The following EPS15 variants were observed in gnomAD, a reference collection of about 807,000 sequenced individuals.
The protein encoded by EPS15 is epidermal growth factor receptor pathway substrate 15.
In EPS15, 72 loss-of-function variants were observed where a neutral mutation model predicts 113.8. That is an observed-to-expected ratio of 0.63 (90% CI 0.52 to 0.77). The LOEUF (loss-of-function observed/expected upper bound fraction) is 0.77. Ranked by LOEUF, EPS15 falls within the 30% of genes least tolerant of loss-of-function variation. EPS15 has a pLI of 0.00. For synonymous variants in EPS15, 344 were observed against 363.4 expected, an observed-to-expected ratio of 0.95 and a Z score of 0.61; for missense variants, 1,048 against 1,045.8, an observed-to-expected ratio of 1.00 and a Z score of -0.03.
chr1:51,411,778 C>T (rs1465986076), intron 13 of EPS15, among the ~76,000 whole-genome samples: 1 of 152,138 alleles, frequency 6.6e-6, no homozygotes, highest in African/African-American at 2.4e-5. Context: ...ATTAGTTCAA[C>T]CATTGTGGAA....
At chr1:51,466,697 A>G (rs1188958848) in intron 5 of EPS15, among the ~76,000 whole-genome samples, 1 of 152,008 alleles carries the variant, frequency 6.6e-6, no homozygotes, top group African/African-American at 2.4e-5. Context: ...TAAATGTAAA[A>G]AATTAAAAAA....
Position 51,356,768 on chromosome 1 carries a change from T to A in EPS15, c.2623A>T (p.Asn875Tyr). 1 of 1,614,018 alleles carries A rather than the reference T, an allele frequency of 6.2e-7. No individual in the cohort carries two copies. Among genetic ancestry groups the A allele is most frequent in the East Asian group, 2.2e-5 (1 of 44,872 alleles). Residue 875 changes from asparagine to tyrosine, a missense_variant, in exon 25 of 25, where the codon AAT (asparagine) becomes TAT (tyrosine). Physicochemically the swap from Asn to Tyr is moderately radical, Grantham distance 143 (BLOSUM62 -2). Coordinates refer to ENST00000371733, the MANE Select transcript of EPS15 (RefSeq NM_001981.3). ...REEEQRLARL[N>Y]QQEQEDLELA... is the part of the protein sequence containing the mutation. ...TCTAAGTCTTCTTGTTCCTGCTGAT[T>A]TAGTCGGGCAAGCCTCTGCTCTTCC...
intron 22 of EPS15, among the ~76,000 whole-genome samples, chr1:51,364,580 G>C (rs1304242666): frequency 1.3e-5 from 2 of 151,628 alleles, no homozygotes; most frequent in African/African-American, 4.9e-5. Context: ...CTGCAGCCTT[G>C]AACCCCTGGG....
At chr1:51,471,435 AT>A (rs1170468564) in intron 4 of EPS15, among the ~76,000 whole-genome samples, 1 of 152,220 alleles carries the variant, frequency 6.6e-6, no homozygotes, top group Non-Finnish European at 1.5e-5. Flanking sequence ...AACTAGGAAA[AT>A]TAATTAAAGA....
intron 13 of EPS15, among the ~76,000 whole-genome samples, chr1:51,419,324 C>A (rs1377637935): frequency 6.6e-6 from 1 of 151,774 alleles, no homozygotes; most frequent in Admixed American, 6.6e-5. Flanking sequence ...GAAATACAGA[C>A]AGGAAACAAA....
chr1:51,474,519 GA>G (rs1338675348), intron 2 of EPS15, among the ~76,000 whole-genome samples: 1 of 152,124 alleles, frequency 6.6e-6, no homozygotes, highest in African/African-American at 2.4e-5. Context: ...ACACAGGACT[GA>G]ATGAACTGTT....
intron 21 of EPS15, among the ~76,000 whole-genome samples, chr1:51,390,039 A>C (rs1227587247): frequency 6.6e-6 from 1 of 152,146 alleles, no homozygotes; most frequent in Non-Finnish European, 1.5e-5. Context: ...CAAAGCTGGC[A>C]GCATCAAATA....
chr1:51,512,014 C>A (rs2148566932), intron 1 of EPS15, among the ~76,000 whole-genome samples: 1 of 152,224 alleles, frequency 6.6e-6, no homozygotes, highest in East Asian at 1.9e-4. Flanking sequence ...TTTAATTGCA[C>A]CTCTGATTCA....
At chr1:51,408,026 T>G (rs374213510) in intron 15 of EPS15, 109 bp downstream of exon 15, 26 of 913,326 alleles carry the variant, frequency 2.8e-5, no homozygotes, top group Admixed American at 1.3e-4. Context: ...GACTGAAAAA[T>G]GAACAGTAAA....
At chr1:51,461,521 T>TA (rs34184025) in intron 7 of EPS15, among the ~76,000 whole-genome samples, 5,933 of 84,902 alleles carry the variant, frequency 0.07, 492 homozygotes, top group African/African-American at 0.096. Flanking sequence ...CACTGTTTCT[T>TA]AAAAAAAAAA....
intron 12 of EPS15, chr1:51,422,066 C>T: frequency 8.2e-7 from 1 of 1,215,538 alleles, no homozygotes; most frequent in Non-Finnish European, 1.0e-6. Context: ...ATTGCTTTCT[C>T]ACTAAAATGT....
intron 16 of EPS15, among the ~76,000 whole-genome samples, chr1:51,405,649 G>C (rs1649040140): frequency 6.6e-6 from 1 of 151,262 alleles, no homozygotes; most frequent in East Asian, 1.9e-4. Context: ...AGTAAGCCAA[G>C]ATCGCACCAC....
At chr1:51,489,267 A>G (rs1404229919) in intron 1 of EPS15, among the ~76,000 whole-genome samples, 1 of 150,524 alleles carries the variant, frequency 6.6e-6, no homozygotes. Context: ...AAATTTTTAC[A>G]AAGTATAGCC....
In EPS15 at chr1:51,519,162, G is replaced by A. The variant is rs774116337; in HGVS notation, c.33+37C>T. On this transcript the variant is annotated intron_variant, in intron 1 of 24. Transcript: ENST00000371733. Reference sequence around the variant, plus strand: ...TGAGGGCGGTGGGGGAGGGGGCACCGGCCGGCCAAGCCCGGCGGACGGGCG... The same window carrying A: ...TGAGGGCGGTGGGGGAGGGGGCACCAGCCGGCCAAGCCCGGCGGACGGGCG... The A allele has an allele frequency of 5.6e-6, 8 of 1,417,148 alleles. No individual in the cohort carries two copies. The Admixed American group carries it at 1.1e-4, about 19-fold the overall frequency. 87.8% of individuals were successfully genotyped at this position (1,417,148 alleles called of 1,614,324 possible).
intron 1 of EPS15, among the ~76,000 whole-genome samples, chr1:51,495,902 G>C (rs887138199): frequency 2.0e-5 from 3 of 152,050 alleles, no homozygotes; most frequent in Non-Finnish European, 4.4e-5. Context: ...GAACAGCTTA[G>C]GCAAGGAGAA....
intron 1 of EPS15, among the ~76,000 whole-genome samples, chr1:51,503,006 C>CA (rs56340331): frequency 0.027 from 1,836 of 67,138 alleles, 45 homozygotes; most frequent in African/African-American, 0.08. Flanking sequence ...GACTCTGTCT[C>CA]AAAAAAAAAA....
At chr1:51,513,033 C>T (rs1644653624) in intron 1 of EPS15, among the ~76,000 whole-genome samples, 1 of 151,806 alleles carries the variant, frequency 6.6e-6, no homozygotes, top group Admixed American at 6.6e-5. Context: ...ATGGATTTCA[C>T]TATGTTACCC....
chr1:51,505,928 C>T (rs61007089), intron 1 of EPS15, among the ~76,000 whole-genome samples: 4,567 of 151,804 alleles, frequency 0.03, 75 homozygotes, highest in African/African-American at 0.05. Flanking sequence ...GCTCTGTCAC[C>T]CAGGCTGGAT....
At chr1:51,455,085 A>G (rs914339051) in intron 8 of EPS15, among the ~76,000 whole-genome samples, 1 of 152,218 alleles carries the variant, frequency 6.6e-6, no homozygotes, top group Non-Finnish European at 1.5e-5. Flanking sequence ...ACCAAATACT[A>G]GATTCCTAGA....
Sources: allele counts gnomAD v4.1 joint callset (sites outside exome capture counted in the v4.1 genomes callset), GRCh38; gene constraint gnomAD v4.1.1; transcripts MANE v1.5; gene names NCBI Gene and HGNC (gene_info 2026-07-23, HGNC 2026-07-21).